IRF2BP2: variants seen among roughly 807,000 people sequenced by gnomAD.
IRF2BP2 encodes the protein interferon regulatory factor 2-binding protein 2.
Under a neutral mutation model 32.7 loss-of-function variants are expected in IRF2BP2, and 13 were observed. That is an observed-to-expected ratio of 0.40 (90% CI 0.26 to 0.63). The LOEUF is 0.63. Ranked by LOEUF, IRF2BP2 falls within the 30% of genes least tolerant of loss-of-function variation. The pLI is 0.42. For synonymous variants in IRF2BP2, 555 were observed against 384.6 expected (o/e 1.44, Z -5.18); for missense variants, 980 against 830.6 (o/e 1.18, Z -2.21).
Position 234,608,777 on chromosome 1 carries a change from A to G in IRF2BP2, c.718T>C (p.Ser240Pro). 1 of 1,447,778 alleles carries G rather than the reference A, an allele frequency of 6.9e-7. No individual in the cohort carries two copies. The highest frequency in any genetic ancestry group is 9.0e-7 in the Non-Finnish European group (1 of 1,108,936). 89.7% of individuals were successfully genotyped at this position (1,447,778 alleles called of 1,614,324 possible). ...TDLGAHKRPA[S>P]VSSSAAVEHE... is the part of the protein sequence containing the mutation. ...TCCACGGCAGCGCTGCTCGACACGG[A>G]TGCCGGCCGCTTGTGGGCGCCCAGA... The change falls in exon 1 of 2, where the codon TCC (serine) becomes CCC (proline). Residue 240 changes from serine to proline, a missense_variant. By Grantham distance (74) the Ser-to-Pro change is moderately conservative. Transcript: ENST00000366609.
In IRF2BP2 at chr1:234,607,246, C is replaced by T; in HGVS notation, c.1655G>A (p.Gly552Glu). The change falls in exon 2 of 2, where the codon GGG (glycine) becomes GAG (glutamate). Residue 552 changes from glycine to glutamate, a missense_variant. By Grantham distance (98) the Gly-to-Glu change is moderately conservative. Transcript: ENST00000366609. The stretch of plus-strand genomic sequence containing the variant: ...GGAGCCCACAAGAGGGCATTTTTCC[C>T]CACTGGGACAATAGACCTCTCCACT... ...GASGEVYCPS[G>E]EKCPLVGSNV... 1.9e-6 allele frequency: 3 copies of T among 1,614,184 alleles called. No individual in the cohort carries two copies. The highest frequency in any genetic ancestry group is 2.5e-6 in the Non-Finnish European group (3 of 1,180,026).
rs753981539 is a variant in IRF2BP2 at position 234,607,290 on chromosome 1, G to A, written c.1611C>T (p.Ser537=). ...CTCCACTAGCTCCCTGCTGTTTGAT[G>A]CTTTGTCTGGAGCAAGGGAAGCAGA... The part of the protein sequence containing the change: ...HKFCFPCSRQ[S]IKQQGASGEV... Residue 537 remains serine (S), a synonymous_variant, in exon 2 of 2, where the codon AGC becomes AGT. Transcript: ENST00000366609. 4 of 1,614,134 alleles carry A rather than the reference G, an allele frequency of 2.5e-6. No individual in the cohort carries two copies. Among genetic ancestry groups the A allele is most frequent in the South Asian group, 2.2e-5 (2 of 91,090 alleles).
intron 1 of IRF2BP2, 105 bp downstream of exon 1, chr1:234,608,339 TTTG>T (rs1183693304): frequency 2.2e-6 from 2 of 927,080 alleles, no homozygotes; most frequent in Middle Eastern, 2.4e-4. Context: ...AAGTGGGGTG[TTTG>T]TTGTTTCTGG....
intron 1 of IRF2BP2, 72 bp downstream of exon 1, chr1:234,608,375 A>C (rs908790301): frequency 3.1e-5 from 39 of 1,259,024 alleles, no homozygotes; most frequent in Admixed American, 2.8e-4. Context: ...TGGTGAATCC[A>C]AAGAACCACC....
At position 234,609,628 on chromosome 1, in the gene IRF2BP2, C is replaced by T. The variant is rs1400390608; in HGVS notation, c.-134G>A. 2.7e-6 allele frequency: 1 copy of T among 367,382 alleles called. No homozygotes were observed. The highest frequency in any genetic ancestry group is 5.6e-5 in the East Asian group (1 of 17,998). The allele number at this position is 367,382 out of a possible 1,614,324, so 22.8% of individuals were successfully genotyped here. On this transcript the variant is annotated 5_prime_UTR_variant, in exon 1 of 2. Coordinates refer to ENST00000366609, the MANE Select transcript of IRF2BP2 (RefSeq NM_182972.3). ...CTCCCCCACCAGCGGCGGCGGCGGC[C>T]GCAAAGGCGGCGGCGGCGGCGGCAA... is the stretch of plus-strand genomic sequence containing the variant.
intron 1 of IRF2BP2, 133 bp from the exon 2 acceptor site, chr1:234,607,985 T>A: frequency 2.8e-6 from 2 of 706,236 alleles, no homozygotes; most frequent in South Asian, 4.1e-5. Flanking sequence ...CAGAAAATAC[T>A]CATATACGAG....
chr1:234,608,666 CCGCGGT>C lies in IRF2BP2; in HGVS notation c.823_828del (p.Thr275_Ala276del). 2.6e-6 allele frequency: 4 copies of C among 1,528,242 alleles called. No homozygotes were observed. The highest frequency in any genetic ancestry group is 3.5e-6 in the Non-Finnish European group (4 of 1,147,796). The allele number at this position is 1,528,242 out of a possible 1,614,324, so 94.7% of individuals were successfully genotyped here. ...TCCGCGCTCAGCTCGGCGGCCCCGG[CCGCGGT>C]GGACAGGCTGTCGGCCGGGCCCCGG... On this transcript the variant is annotated inframe_deletion, in exon 1 of 2. Transcript: ENST00000366609.
In IRF2BP2 at chr1:234,604,287, A is replaced by G. The variant is rs1672107616; in HGVS notation, c.*2850T>C. Reference sequence around the variant, plus strand: ...GAAAATGTTCAGTGCTCCCAATTTTATTTTTATTTAATGCTAAAAGTTAAA... The same window carrying G: ...GAAAATGTTCAGTGCTCCCAATTTTGTTTTTATTTAATGCTAAAAGTTAAA... On this transcript the variant is annotated 3_prime_UTR_variant, in exon 2 of 2. Transcript: ENST00000366609. 6.6e-6 allele frequency: 1 copy of G among 152,176 alleles called. No homozygotes were observed. Among genetic ancestry groups the G allele is most frequent in the Admixed American group, 6.5e-5 (1 of 15,280 alleles). 9.4% of individuals were successfully genotyped at this position (152,176 alleles called of 1,614,324 possible). A position where few individuals can be genotyped will look rare whatever the true frequency, so the allele number is the denominator to read the frequency against.
At position 234,608,773 on chromosome 1, in the gene IRF2BP2, A is replaced by T. The variant is rs1672249439; in HGVS notation, c.722T>A (p.Val241Glu). ...GTGCTCCACGGCAGCGCTGCTCGAC[A>T]CGGATGCCGGCCGCTTGTGGGCGCC... is the stretch of plus-strand genomic sequence containing the variant. Reference protein sequence around the residue: ...DLGAHKRPASVSSSAAVEHEQ... With the variant: ...DLGAHKRPASESSSAAVEHEQ... Residue 241 changes from valine (V) to glutamate (E), a missense_variant, in exon 1 of 2, where the codon GTG becomes GAG. Coordinates refer to ENST00000366609, the MANE Select transcript of IRF2BP2 (RefSeq NM_182972.3). 1.4e-6 allele frequency: 2 copies of T among 1,457,686 alleles called. No homozygotes were observed. The highest frequency in any genetic ancestry group is 2.7e-5 in the Admixed American group (1 of 37,584). 90.3% of individuals were successfully genotyped at this position (1,457,686 alleles called of 1,614,324 possible). A position where few individuals can be genotyped will look rare whatever the true frequency, so the allele number is the denominator to read the frequency against.
At position 234,606,299 on chromosome 1, in the gene IRF2BP2, C is replaced by T. The variant is rs991264323; in HGVS notation, c.*838G>A. The T allele has an allele frequency of 5.9e-5, 9 of 152,196 alleles. No homozygotes were observed. Among genetic ancestry groups the T allele is most frequent in the Non-Finnish European group, 1.3e-4 (9 of 68,024 alleles). 9.4% of individuals were successfully genotyped at this position (152,196 alleles called of 1,614,324 possible). On this transcript the variant is annotated 3_prime_UTR_variant, in exon 2 of 2. Transcript: ENST00000366609. ...AAAAAGATGAAGTGGCGCTGCAGAG[C>T]TGGGCTCTGCTCAAAGATGGCAGTG...
In IRF2BP2 at chr1:234,609,093, G is replaced by A. The variant is rs1409055804; in HGVS notation, c.402C>T (p.Gly134=). Residue 134 remains glycine, a synonymous_variant, in exon 1 of 2, where the codon GGC becomes GGT. Coordinates refer to ENST00000366609, the MANE Select transcript of IRF2BP2 (RefSeq NM_182972.3). ...CCAGGCTCGCTGCCGGGCGGCTGCT[G>A]CCGAAGTCAGAGCCGAGGCGCGGGG... The part of the protein sequence containing the change: ...ERPPRLGSDF[G]SSRPAASLAQ... 4 of 1,239,534 alleles carry A rather than the reference G, an allele frequency of 3.2e-6. No individual in the cohort carries two copies. The highest frequency in any genetic ancestry group is 6.5e-5 in the East Asian group (2 of 30,692). 76.8% of individuals were successfully genotyped at this position (1,239,534 alleles called of 1,614,324 possible). A position where few individuals can be genotyped will look rare whatever the true frequency, so the allele number is the denominator to read the frequency against.
chr1:234,608,906 T>G lies in IRF2BP2; in HGVS notation c.589A>C (p.Thr197Pro), dbSNP rs1235736756. 2 of 1,353,730 alleles carry G rather than the reference T, an allele frequency of 1.5e-6. No individual in the cohort carries two copies. Among genetic ancestry groups the G allele is most frequent in the Admixed American group, 3.4e-5 (1 of 29,140 alleles). 83.9% of individuals were successfully genotyped at this position (1,353,730 alleles called of 1,614,324 possible). A position where few individuals can be genotyped will look rare whatever the true frequency, so the allele number is the denominator to read the frequency against. ...TLVPLMNGSA[T>P]PLPTALGLGG... Reference sequence around the variant, plus strand: ...AGGCCGAGCGCGGTGGGCAGCGGCGTGGCCGAGCCGTTCATGAGCGGCACC... The same window carrying G: ...AGGCCGAGCGCGGTGGGCAGCGGCGGGGCCGAGCCGTTCATGAGCGGCACC... The change falls in exon 1 of 2, where the codon ACG (threonine) becomes CCG (proline). Residue 197 changes from threonine (T) to proline (P), a missense_variant. By Grantham distance (38) the Thr-to-Pro change is conservative (BLOSUM62 -1). Transcript: ENST00000366609.
Position 234,607,824 on chromosome 1 carries a change from G to A in IRF2BP2, c.1077C>T (p.Pro359=), listed in dbSNP as rs1448853310. 7 of 1,589,506 alleles carry A rather than the reference G, an allele frequency of 4.4e-6. No individual in the cohort carries two copies. Among genetic ancestry groups the A allele is most frequent in the African/African-American group, 4.1e-5 (3 of 73,552 alleles). ...CGACTTCACCTTCTGGTTCTGGAGA[G>A]GGCTTCCTTTTCCTTGCTGTTCTTG... ...AVARTARKRK[P]SPEPEGEVGP... Residue 359 remains proline (P), a synonymous_variant, in exon 2 of 2, where the codon CCC becomes CCT. Coordinates refer to ENST00000366609, the MANE Select transcript of IRF2BP2 (RefSeq NM_182972.3).
In IRF2BP2 at chr1:234,609,584, TC is replaced by T. The variant is rs928172390; in HGVS notation, c.-91del. ...CCCACCGGCACCACGCGCGCCCTCCTCCCCCCCCAACCCCGCGTCTCCCCCA... is the reference window on the plus strand; with the variant it reads ...CCCACCGGCACCACGCGCGCCCTCCTCCCCCCCAACCCCGCGTCTCCCCCA... On this transcript the variant is annotated 5_prime_UTR_variant, in exon 1 of 2. Coordinates refer to ENST00000366609, the MANE Select transcript of IRF2BP2 (RefSeq NM_182972.3). The T allele has an allele frequency of 2.7e-4, 183 of 677,026 alleles. No individual in the cohort carries two copies. The highest frequency in any genetic ancestry group is 3.1e-4 in the Non-Finnish European group (152 of 484,084). The allele number at this position is 677,026 out of a possible 1,614,324, so 41.9% of individuals were successfully genotyped here.
At chr1:234,607,940 G>C in intron 1 of IRF2BP2, 88 bp from the exon 2 acceptor site, 2 of 1,068,268 alleles carry the variant, frequency 1.9e-6, no homozygotes, top group East Asian at 2.5e-5. Flanking sequence ...CGAAACAAAA[G>C]TCGTTACAGA....
Position 234,608,501 on chromosome 1 carries a change from T to A in IRF2BP2, c.994A>T (p.Thr332Ser). 1 of 1,608,740 alleles carries A rather than the reference T, an allele frequency of 6.2e-7. No individual in the cohort carries two copies. Among genetic ancestry groups the A allele is most frequent in the Non-Finnish European group, 8.5e-7 (1 of 1,177,766 alleles). ...ESKFKKEPAL[T>S]AGRLLGFEAN... ...TCGAAACCCAACAACCTGCCTGCAG[T>A]CAGGGCCGGCTCCTTCTTAAACTTG... The change falls in exon 1 of 2, where the codon ACT (threonine) becomes TCT (serine). Residue 332 changes from threonine (T) to serine (S), a missense_variant. Coordinates refer to ENST00000366609, the MANE Select transcript of IRF2BP2 (RefSeq NM_182972.3).
intron 1 of IRF2BP2, 190 bp from the exon 2 acceptor site, chr1:234,608,042 G>C (rs935094595): frequency 6.9e-6 from 4 of 578,556 alleles, no homozygotes; most frequent in Admixed American, 6.3e-5. Context: ...ACGGGATTCT[G>C]AGGCAGCAGA....
chr1:234,607,116 G>T lies in IRF2BP2; in HGVS notation c.*21C>A. The T allele has an allele frequency of 6.3e-7, 1 of 1,576,458 alleles. No individual in the cohort carries two copies. Among genetic ancestry groups the T allele is most frequent in the Non-Finnish European group, 8.7e-7 (1 of 1,150,730 alleles). Reference sequence around the variant, plus strand: ...AGTTTTAATTAAGGGTAATCATTGGGTTTTTCTGAAACCGGAAAAGTCACG... The same window carrying T: ...AGTTTTAATTAAGGGTAATCATTGGTTTTTTCTGAAACCGGAAAAGTCACG... On this transcript the variant is annotated 3_prime_UTR_variant, in exon 2 of 2. Coordinates refer to ENST00000366609, the MANE Select transcript of IRF2BP2 (RefSeq NM_182972.3).
chr1:234,608,510 G>T lies in IRF2BP2; in HGVS notation c.985C>A (p.Pro329Thr). 1 of 1,609,792 alleles carries T rather than the reference G, an allele frequency of 6.2e-7. No individual in the cohort carries two copies. Among genetic ancestry groups the T allele is most frequent in the Non-Finnish European group, 8.5e-7 (1 of 1,178,528 alleles). Residue 329 changes from proline (P) to threonine (T), a missense_variant, in exon 1 of 2, where the codon CCG (proline) becomes ACG (threonine). By Grantham distance (38) the Pro-to-Thr change is conservative. Coordinates refer to ENST00000366609, the MANE Select transcript of IRF2BP2 (RefSeq NM_182972.3). The part of the protein sequence containing the change: ...GPFESKFKKE[P>T]ALTAGRLLGF... ...AACAACCTGCCTGCAGTCAGGGCCG[G>T]CTCCTTCTTAAACTTGCTCTCGAAG... is the stretch of plus-strand genomic sequence containing the variant.
Sources: allele counts gnomAD v4.1 joint callset, GRCh38; gene constraint gnomAD v4.1.1; transcripts MANE v1.5; gene names NCBI Gene and HGNC (gene_info 2026-07-23, HGNC 2026-07-21).